Variants in MAU2 observed in about 807,000 individuals in gnomAD.
MAU2 encodes the protein MAU2 chromatid cohesion factor homolog.
MAU2 carries 9 observed loss-of-function variants against 89.1 expected under a neutral mutation model. The ratio of observed to expected loss-of-function variants is 0.10; its 90% CI spans 0.06 to 0.18. The LOEUF is 0.18. MAU2 is among the 10% of genes least tolerant of loss of function. MAU2 has a pLI of 1.00. For missense variants in MAU2, 425 were observed against 803.5 expected, an observed-to-expected ratio of 0.53 and a Z score of 5.69; for synonymous variants, 357 against 343.4, an observed-to-expected ratio of 1.04 and a Z score of -0.44.
intron 1 of MAU2, among the ~76,000 whole-genome samples, chr19:19,334,814 T>A (rs969138834): frequency 6.6e-6 from 1 of 152,152 alleles, no homozygotes. Flanking sequence ...GGCCCCTCAC[T>A]TCCCATACTT....
chr19:19,324,098 T>C (rs996299162), intron 1 of MAU2, among the ~76,000 whole-genome samples: 7 of 152,176 alleles, frequency 4.6e-5, no homozygotes, highest in South Asian at 2.1e-4. Context: ...TAGGTTTTCA[T>C]GAGGAAGACA....
intron 16 of MAU2, chr19:19,352,164 C>T (rs2146710076): frequency 6.6e-6 from 1 of 151,916 alleles, no homozygotes; most frequent in South Asian, 2.1e-4. Flanking sequence ...TGCCTTTCTC[C>T]ACACCTCTGT....
At chr19:19,343,564 A>G (rs989741257) in intron 9 of MAU2, among the ~76,000 whole-genome samples, 2 of 151,184 alleles carry the variant, frequency 1.3e-5, no homozygotes. Context: ...TGCCATGTCC[A>G]CAAGCTCTTG....
chr19:19,326,207 C>CTT (rs1466652308), intron 1 of MAU2, among the ~76,000 whole-genome samples: 4 of 151,920 alleles, frequency 2.6e-5, no homozygotes, highest in Admixed American at 6.6e-5. Flanking sequence ...ATATAACATA[C>CTT]TTACTCGTCT....
chr19:19,342,325 C>G (rs2061656523), intron 7 of MAU2, among the ~76,000 whole-genome samples: 1 of 152,200 alleles, frequency 6.6e-6, no homozygotes, highest in Non-Finnish European at 1.5e-5. Flanking sequence ...AAGCCTCAGT[C>G]CCACAGCTGC....
chr19:19,334,203 GC>G, intron 1 of MAU2: 1 of 984,308 alleles, frequency 1.0e-6, no homozygotes, highest in South Asian at 4.7e-5. Flanking sequence ...CACCTCTGGG[GC>G]CACACTTCTG....
Position 19,331,211 on chromosome 19 carries a change from A to G in MAU2, c.277-4507A>G, listed in dbSNP as rs185011004. Among the ~76,000 whole-genome samples, 502 of 152,112 alleles carry G rather than the reference A, an allele frequency of 3.3e-3. 3 individuals are homozygous for G. The highest frequency in any genetic ancestry group is 0.011 in the African/African-American group (442 of 41,494). On this transcript the variant is annotated intron_variant, in intron 1 of 18. Transcript: ENST00000262815. The stretch of plus-strand genomic sequence containing the variant: ...TTTTTAGCATTACAAAGTTAAAAAA[A>G]AAAAACACCCGGGCACGGTGGCTCA...
chr19:19,343,343 C>A (rs2061668212), intron 9 of MAU2, among the ~76,000 whole-genome samples: 1 of 152,190 alleles, frequency 6.6e-6, no homozygotes, highest in African/African-American at 2.4e-5. Flanking sequence ...CTGTTTGCTC[C>A]CTCGTGAGTG....
chr19:19,346,679 A>G (rs1461925198), intron 12 of MAU2, among the ~76,000 whole-genome samples: 2 of 152,162 alleles, frequency 1.3e-5, no homozygotes, highest in Non-Finnish European at 2.9e-5. Context: ...CCAGGGTCTG[A>G]GCAGGGCTTG....
At chr19:19,354,994 C>A (rs1462572173) in intron 17 of MAU2, 1 of 426,930 alleles carries the variant, frequency 2.3e-6, no homozygotes. Context: ...CGCCTGTTTG[C>A]CTGAGGGCTG....
rs1278511053 is a variant in MAU2, at chr19:19,356,029, T to C, written c.*247T>C. The C allele has an allele frequency of 2.8e-5, 18 of 644,214 alleles. No homozygotes were observed. The highest frequency in any genetic ancestry group is 4.6e-5 in the Non-Finnish European group (16 of 347,624). 39.9% of individuals were successfully genotyped at this position (644,214 alleles called of 1,614,324 possible). A position where few individuals can be genotyped will look rare whatever the true frequency, so the allele number is the denominator to read the frequency against. ...GGCGCTGTCTCTCCAGAGCCATCCT[T>C]CAGAGTGGACCTCAGTGCCAGTCCT... On this transcript the variant is annotated 3_prime_UTR_variant, in exon 19 of 19. Transcript: ENST00000262815.
intron 1 of MAU2, among the ~76,000 whole-genome samples, chr19:19,323,052 A>ATCTG (rs1373457537): frequency 4.0e-5 from 6 of 148,294 alleles, no homozygotes; most frequent in East Asian, 4.1e-4. Context: ...CACCACACCC[A>ATCTG]GCTAATTTTT....
At chr19:19,333,356 C>T (rs2061571225) in intron 1 of MAU2, among the ~76,000 whole-genome samples, 1 of 152,122 alleles carries the variant, frequency 6.6e-6, no homozygotes, top group South Asian at 2.1e-4. Context: ...CGTGGTGGTT[C>T]GCACCAGTAG....
chr19:19,339,093 A>G (rs981776168), intron 5 of MAU2, among the ~76,000 whole-genome samples, 154 bp downstream of exon 5: 8 of 152,172 alleles, frequency 5.3e-5, no homozygotes, highest in Non-Finnish European at 1.2e-4. Flanking sequence ...TAGGAGGATC[A>G]CTTGAGCCCA....
intron 17 of MAU2, 153 bp from the exon 18 acceptor site, chr19:19,355,111 C>G: frequency 9.9e-7 from 1 of 1,009,080 alleles, no homozygotes; most frequent in Non-Finnish European, 1.4e-6. Flanking sequence ...GCTTTGTGAT[C>G]CCAAGACAGG....
intron 1 of MAU2, among the ~76,000 whole-genome samples, chr19:19,334,946 C>T (rs769912244): frequency 6.6e-6 from 1 of 152,360 alleles, no homozygotes; most frequent in South Asian, 2.1e-4. Context: ...GCAGGTTGCT[C>T]TGAATGTGTG....
chr19:19,326,715 T>TAC (rs1305296508), intron 1 of MAU2, among the ~76,000 whole-genome samples: 1 of 117,904 alleles, frequency 8.5e-6, no homozygotes, highest in African/African-American at 3.1e-5. Context: ...TATATATATA[T>TAC]ATATACATAT....
intron 4 of MAU2, among the ~76,000 whole-genome samples, chr19:19,337,526 G>A (rs2061607269): frequency 6.6e-6 from 1 of 152,242 alleles, no homozygotes; most frequent in Admixed American, 6.5e-5. Context: ...GCTTCCCCGG[G>A]GCCAACACTG....
chr19:19,327,223 A>G lies in MAU2; in HGVS notation c.276+6088A>G, dbSNP rs1424898380. Among the ~76,000 whole-genome samples, 6 of 149,746 alleles carry G rather than the reference A, an allele frequency of 4.0e-5. No individual in the cohort carries two copies. In the South Asian group the frequency reaches 8.5e-4, roughly 21 times the overall value. ...TAAAACCTCTGCCTCTCAGGTTCAG[A>G]CTATTCTCCTGCCTCAGCCTCCCAA... On this transcript the variant is annotated intron_variant, in intron 1 of 18. Coordinates refer to ENST00000262815, the MANE Select transcript of MAU2 (RefSeq NM_015329.4).
Sources: gnomAD v4.1 joint callset for allele counts (sites outside exome capture counted in the v4.1 genomes callset) on GRCh38, gnomAD v4.1.1 for gene constraint, MANE v1.5 for transcripts, NCBI Gene and HGNC (gene_info 2026-07-23, HGNC 2026-07-21) for gene names.